GRM8: variants seen among roughly 807,000 people sequenced by gnomAD.
GRM8 encodes the protein glutamate metabotropic receptor 8.
A neutral mutation model predicts 87.2 loss-of-function variants in GRM8; 47 were observed. The ratio of observed to expected loss-of-function variants is 0.54; its 90% CI spans 0.43 to 0.69. The LOEUF (loss-of-function observed/expected upper bound fraction) is 0.69. GRM8 is among the 30% of genes least tolerant of loss of function. The pLI is 0.00. For synonymous variants in GRM8, 396 were observed against 404.5 expected (o/e 0.98, Z 0.25); for missense variants, 1,019 against 1,139.2 (o/e 0.89, Z 1.52).
intron 7 of GRM8, among the ~76,000 whole-genome samples, chr7:126,613,161 C>T (rs766393669): frequency 2.6e-5 from 4 of 152,166 alleles, no homozygotes; most frequent in Non-Finnish European, 5.9e-5. Flanking sequence ...GAAAGAGCAT[C>T]GTTGAGTAGC....
intron 6 of GRM8, among the ~76,000 whole-genome samples, chr7:126,772,105 A>G (rs1044871481): frequency 2.0e-5 from 3 of 152,110 alleles, no homozygotes; most frequent in African/African-American, 7.2e-5. Context: ...ATACTGAAGG[A>G]TGGTTACAGC....
chr7:126,463,719 C>T (rs1804163432), intron 9 of GRM8, among the ~76,000 whole-genome samples: 1 of 151,542 alleles, frequency 6.6e-6, no homozygotes, highest in Non-Finnish European at 1.5e-5. Context: ...GTTGGGCTGT[C>T]AAGTTAATAG....
At chr7:126,833,163 G>C (rs1795546791) in intron 6 of GRM8, among the ~76,000 whole-genome samples, 1 of 152,204 alleles carries the variant, frequency 6.6e-6, no homozygotes, top group Admixed American at 6.5e-5. Context: ...ACCTGAGGGT[G>C]CTTTGAAAAC....
chr7:126,938,109 C>G (rs1247989010), intron 3 of GRM8, among the ~76,000 whole-genome samples: 1 of 152,146 alleles, frequency 6.6e-6, no homozygotes, highest in Non-Finnish European at 1.5e-5. Flanking sequence ...TACATTTTGG[C>G]CAATAAAATA....
chr7:127,039,657 AG>A (rs1818168950), intron 3 of GRM8, among the ~76,000 whole-genome samples: 1 of 49,222 alleles, frequency 2.0e-5, no homozygotes, highest in Admixed American at 3.3e-4. Flanking sequence ...GAAGGGCAAG[AG>A]AGGGGAAGGG....
intron 3 of GRM8, among the ~76,000 whole-genome samples, chr7:126,952,157 T>G (rs1808231451): frequency 6.6e-6 from 1 of 151,804 alleles, no homozygotes; most frequent in Admixed American, 6.6e-5. Flanking sequence ...AAATAAGGGC[T>G]TAATAAGAGA....
chr7:127,218,545 G>A (rs1302750441), intron 2 of GRM8, among the ~76,000 whole-genome samples: 1 of 152,206 alleles, frequency 6.6e-6, no homozygotes, highest in African/African-American at 2.4e-5. Context: ...TAGGGTGCTT[G>A]GTTGTGAAGG....
At chr7:126,574,453 T>G (rs1794943090) in intron 8 of GRM8, among the ~76,000 whole-genome samples, 1 of 152,206 alleles carries the variant, frequency 6.6e-6, no homozygotes, top group Non-Finnish European at 1.5e-5. Flanking sequence ...AAGAATGTGA[T>G]GAATTTGGAA....
intron 9 of GRM8, among the ~76,000 whole-genome samples, chr7:126,523,992 C>G (rs2299455): frequency 2.6e-5 from 4 of 152,028 alleles, no homozygotes; most frequent in African/African-American, 9.7e-5. Flanking sequence ...AAAGCAATTA[C>G]TATATTATGG....
intron 8 of GRM8, among the ~76,000 whole-genome samples, chr7:126,542,298 C>T (rs1816631767): frequency 1.3e-5 from 2 of 152,122 alleles, no homozygotes; most frequent in Admixed American, 6.5e-5. Context: ...AGCTAATAAA[C>T]GTGGATTTTT....
At chr7:126,632,926 T>C (rs976095001) in intron 7 of GRM8, among the ~76,000 whole-genome samples, 1 of 152,104 alleles carries the variant, frequency 6.6e-6, no homozygotes, top group Admixed American at 6.6e-5. Flanking sequence ...GAGACACGTT[T>C]TTTTAAAGTT....
Position 127,015,064 on chromosome 7 carries a change from G to GAAGAAGA in GRM8, c.727+91431_727+91432insTCTTCTT, listed in dbSNP as rs1554568485. Among the ~76,000 whole-genome samples the GAAGAAGA allele has an allele frequency of 3.7e-3, 326 of 87,852 alleles. 10 individuals are homozygous for GAAGAAGA. The highest frequency in any genetic ancestry group is 0.019 in the East Asian group (67 of 3,536). The allele number at this position is 87,852 out of a possible 152,430, so 57.6% of individuals were successfully genotyped here. A position where few individuals can be genotyped will look rare whatever the true frequency, so the allele number is the denominator to read the frequency against. On this transcript the variant is annotated intron_variant, in intron 3 of 10. Coordinates refer to ENST00000339582, the MANE Select transcript of GRM8 (RefSeq NM_000845.3). ...AGAAGAAGAAGAAGAAGAAGAAGAA[G>GAAGAAGA]AAGAAAGAAAGAAGGAGAAGAAGGA...
At chr7:126,704,239 A>G (rs1319972379) in intron 7 of GRM8, among the ~76,000 whole-genome samples, 2 of 152,158 alleles carry the variant, frequency 1.3e-5, no homozygotes, top group Admixed American at 6.5e-5. Flanking sequence ...CTTTACTGCA[A>G]TCTCTAAACA....
At chr7:126,841,721 G>C (rs374626098) in intron 6 of GRM8, among the ~76,000 whole-genome samples, 2 of 151,182 alleles carry the variant, frequency 1.3e-5, no homozygotes, top group Admixed American at 6.6e-5. Flanking sequence ...TCCGCCTCCC[G>C]GATTCACCCC....
chr7:126,481,506 T>C (rs1314291970), intron 9 of GRM8, among the ~76,000 whole-genome samples: 1 of 152,096 alleles, frequency 6.6e-6, no homozygotes, highest in Non-Finnish European at 1.5e-5. Flanking sequence ...ATATCCTTGA[T>C]ATGATACAAA....
At chr7:126,676,712 TA>T (rs1264615696) in intron 7 of GRM8, among the ~76,000 whole-genome samples, 2 of 152,074 alleles carry the variant, frequency 1.3e-5, no homozygotes, top group Non-Finnish European at 2.9e-5. Context: ...TCACTACATA[TA>T]AAAATTAACT....
Position 126,710,302 on chromosome 7 carries a change from C to T in GRM8, c.1357+59563G>A, listed in dbSNP as rs76049819. ...TCATAAACGAGACAACAATAAAGTACGGCATTGATTGACATATCCTTTTAT... is the reference window on the plus strand; with the variant it reads ...TCATAAACGAGACAACAATAAAGTATGGCATTGATTGACATATCCTTTTAT... On this transcript the variant is annotated intron_variant, in intron 7 of 10. Transcript: ENST00000339582. Among the ~76,000 whole-genome samples, 1,059 of 152,034 alleles carry T rather than the reference C, an allele frequency of 7.0e-3. 16 individuals carry two copies. Among genetic ancestry groups the T allele is most frequent in the African/African-American group, 0.024 (996 of 41,440 alleles).
At chr7:126,563,166 A>C (rs568001241) in intron 8 of GRM8, among the ~76,000 whole-genome samples, 2 of 152,276 alleles carry the variant, frequency 1.3e-5, no homozygotes, top group South Asian at 4.1e-4. Flanking sequence ...TGTATAATAC[A>C]CAGGCATAAC....
At chr7:126,480,056 G>A (rs568116018) in intron 9 of GRM8, among the ~76,000 whole-genome samples, 4 of 152,170 alleles carry the variant, frequency 2.6e-5, no homozygotes, top group African/African-American at 9.6e-5. Context: ...ACTGAAGTGG[G>A]TGAAGAAGAA....
Sources: allele counts gnomAD v4.1 joint callset (sites outside exome capture counted in the v4.1 genomes callset), GRCh38; gene constraint gnomAD v4.1.1; transcripts MANE v1.5; gene names NCBI Gene and HGNC (gene_info 2026-07-23, HGNC 2026-07-21).